MIER1: variants seen among roughly 807,000 people sequenced by gnomAD.
The protein encoded by MIER1 is mesoderm induction early response protein 1.
MIER1 carries 40 observed loss-of-function variants against 75.7 expected under a neutral mutation model. The observed-to-expected ratio is 0.53, with a 90% CI of 0.41 to 0.69. The LOEUF (loss-of-function observed/expected upper bound fraction) is 0.69, where lower values mean the gene tolerates loss of function less well. Ranked by LOEUF, MIER1 falls within the 30% of genes least tolerant of loss-of-function variation. The pLI is 0.00. For missense variants in MIER1, 574 were observed against 680.2 expected (o/e 0.84, Z 1.74); for synonymous variants, 213 against 223.4 (o/e 0.95, Z 0.42).
chr1:66,976,524 CTTCAGA>C (rs1439750898), intron 11 of MIER1, 65 bp from the exon 12 acceptor site: 12 of 1,452,686 alleles, frequency 8.3e-6, no homozygotes, highest in Non-Finnish European at 1.1e-5. Flanking sequence ...TATTTTCAAA[CTTCAGA>C]TGTTTATCAT....
intron 2 of MIER1, among the ~76,000 whole-genome samples, chr1:66,931,229 A>G (rs547617745): frequency 2.0e-5 from 3 of 152,304 alleles, no homozygotes; most frequent in Admixed American, 6.5e-5. Flanking sequence ...TGGCGGGCAT[A>G]CAACTGCTGT....
rs760572999 is a variant in MIER1 at position 66,970,897 on chromosome 1, A to G, written c.862A>G (p.Thr288Ala). Reference sequence around the variant, plus strand: ...ATTTCTTAAAGATGCATCTAGAAGAACAGGTGATGAGAAGGGTGTAGAAGC... The same window carrying G: ...ATTTCTTAAAGATGCATCTAGAAGAGCAGGTGATGAGAAGGGTGTAGAAGC... ...IIFLKDASRRTGDEKGVEAIP... is the reference protein window; with the variant it reads ...IIFLKDASRRAGDEKGVEAIP... The change falls in exon 9 of 14, where the codon ACA becomes GCA. Residue 288 changes from threonine to alanine, a missense_variant. Physicochemically the swap from Thr to Ala is moderately conservative, Grantham distance 58 (BLOSUM62 0). Transcript: ENST00000401041. 1.5e-5 allele frequency: 24 copies of G among 1,601,696 alleles called. No homozygotes were observed. Among genetic ancestry groups the G allele is most frequent in the Non-Finnish European group, 2.0e-5 (23 of 1,176,090 alleles).
intron 3 of MIER1, among the ~76,000 whole-genome samples, chr1:66,945,836 C>A (rs1017145504): frequency 1.3e-4 from 20 of 152,038 alleles, no homozygotes; most frequent in Non-Finnish European, 4.4e-5. Context: ...GAGCGAGACC[C>A]TGTCTCAAAG....
At chr1:66,930,617 CG>C (rs1209224069) in intron 2 of MIER1, among the ~76,000 whole-genome samples, 1 of 151,246 alleles carries the variant, frequency 6.6e-6, no homozygotes, top group African/African-American at 2.4e-5. Context: ...ACTTGGACTT[CG>C]GGGGCAGTTT....
intron 3 of MIER1, among the ~76,000 whole-genome samples, chr1:66,945,173 A>T (rs1657202318): frequency 6.6e-6 from 1 of 151,744 alleles, no homozygotes; most frequent in East Asian, 1.9e-4. Context: ...CGGATACCAA[A>T]ATCGTGGATG....
chr1:66,963,223 A>G (rs1661612930), intron 8 of MIER1, 63 bp downstream of exon 8: 1 of 1,045,954 alleles, frequency 9.6e-7, no homozygotes, highest in South Asian at 1.3e-5. Context: ...CTGTTACTTT[A>G]TATGTAAAAT....
At chr1:66,955,783 C>G (rs994163364) in intron 4 of MIER1, among the ~76,000 whole-genome samples, 3 of 152,068 alleles carry the variant, frequency 2.0e-5, no homozygotes, top group Admixed American at 6.5e-5. Context: ...CTTATTCATA[C>G]TAGTGACTTC....
chr1:66,960,421 A>G (rs1428806232), intron 7 of MIER1, among the ~76,000 whole-genome samples: 1 of 152,216 alleles, frequency 6.6e-6, no homozygotes, highest in African/African-American at 2.4e-5. Context: ...GTTTTTAATT[A>G]TAAAATTATA....
chr1:66,970,759 CTCTA>C (rs1403905327), intron 8 of MIER1, 45 bp from the exon 9 acceptor site: 3 of 1,374,446 alleles, frequency 2.2e-6, no homozygotes, highest in Non-Finnish European at 2.9e-6. Flanking sequence ...TTAACACAAA[CTCTA>C]TCAGTTTTTA....
Position 66,986,337 on chromosome 1 carries a change from A to G in MIER1, c.*1437A>G. ...CTTGTTAAATAATGTAGTTTTATAT[A>G]GCTGATAGACCAACCTATATCCAAA... On this transcript the variant is annotated 3_prime_UTR_variant, in exon 14 of 14. Coordinates refer to ENST00000401041, the MANE Select transcript of MIER1 (RefSeq NM_001077700.3). 1.3e-6 allele frequency: 2 copies of G among 1,565,196 alleles called. No homozygotes were observed. The highest frequency in any genetic ancestry group is 1.7e-6 in the Non-Finnish European group (2 of 1,162,836).
chr1:66,976,277 C>T (rs1253208590), intron 11 of MIER1, among the ~76,000 whole-genome samples: 2 of 152,238 alleles, frequency 1.3e-5, no homozygotes, highest in African/African-American at 4.8e-5. Flanking sequence ...GCTGGGATTA[C>T]AGGCGTGAGC....
At chr1:66,938,875 C>T (rs927834318) in intron 2 of MIER1, among the ~76,000 whole-genome samples, 2 of 152,082 alleles carry the variant, frequency 1.3e-5, no homozygotes, top group Non-Finnish European at 2.9e-5. Flanking sequence ...GAATGAGTCA[C>T]CATATGGAAT....
At chr1:66,945,368 G>A (rs1325771420) in intron 3 of MIER1, among the ~76,000 whole-genome samples, 2 of 148,074 alleles carry the variant, frequency 1.4e-5, no homozygotes, top group East Asian at 4.0e-4. Flanking sequence ...TGTGTTGTTT[G>A]GGGAATAATG....
At chr1:66,980,283 T>C (rs894030680) in intron 12 of MIER1, among the ~76,000 whole-genome samples, 4 of 152,222 alleles carry the variant, frequency 2.6e-5, no homozygotes, top group Admixed American at 1.3e-4. Context: ...TCTAATTTAA[T>C]TCTATATAGA....
At chr1:66,959,602 G>A (rs1216535411) in intron 6 of MIER1, 77 bp from the exon 7 acceptor site, 3 of 692,048 alleles carry the variant, frequency 4.3e-6, no homozygotes, top group Non-Finnish European at 7.2e-6. Context: ...AATATTTGAT[G>A]GTAGATGTAA....
chr1:66,947,871 GT>G, intron 4 of MIER1: 1 of 947,414 alleles, frequency 1.1e-6, no homozygotes, highest in Middle Eastern at 5.4e-4. Context: ...TGCTTCAAGG[GT>G]TTTCAGCTCA....
intron 8 of MIER1, among the ~76,000 whole-genome samples, chr1:66,967,526 G>A (rs1662669132): frequency 6.6e-6 from 1 of 151,946 alleles, no homozygotes; most frequent in Non-Finnish European, 1.5e-5. Context: ...TTCTATTTCT[G>A]TGAAGAATGT....
At position 66,958,182 on chromosome 1, in the gene MIER1, GATA is replaced by G. The variant is rs756133366; in HGVS notation, c.466_468del (p.Asn156del). The G allele has an allele frequency of 1.2e-5, 20 of 1,604,182 alleles. No individual in the cohort carries two copies. Among genetic ancestry groups the G allele is most frequent in the Admixed American group, 1.7e-5 (1 of 59,990 alleles). On this transcript the variant is annotated inframe_deletion, in exon 5 of 14. Coordinates refer to ENST00000401041, the MANE Select transcript of MIER1 (RefSeq NM_001077700.3). ...AGAAGGTGAAGATGATGAAGATGCT[GATA>G]ATGATGACAACAGTGGCTGTAGTGG...
intron 4 of MIER1, among the ~76,000 whole-genome samples, chr1:66,952,978 G>T (rs1172875327): frequency 6.6e-6 from 1 of 152,144 alleles, no homozygotes; most frequent in Admixed American, 6.5e-5. Flanking sequence ...TTCATATTAT[G>T]CTGTCAGTTT....
Sources: gnomAD v4.1 joint callset for allele counts (sites outside exome capture counted in the v4.1 genomes callset) on GRCh38, gnomAD v4.1.1 for gene constraint, MANE v1.5 for transcripts, NCBI Gene and HGNC (gene_info 2026-07-23, HGNC 2026-07-21) for gene names.